Variants in PLD5 observed in about 807,000 individuals in gnomAD.
The protein encoded by PLD5 is phospholipase D family member 5.
Under a neutral mutation model 61.1 loss-of-function variants are expected in PLD5, and 36 were observed. The observed-to-expected ratio is 0.59, with a 90% CI of 0.45 to 0.78. PLD5 has a LOEUF of 0.78. Ranked by LOEUF, PLD5 falls within the 30% of genes least tolerant of loss-of-function variation. The pLI is 0.00. For synonymous variants in PLD5, 243 were observed against 242.8 expected, an observed-to-expected ratio of 1.00 and a Z score of -0.01; for missense variants, 515 against 644.4, an observed-to-expected ratio of 0.80 and a Z score of 2.17.
intron 1 of PLD5, among the ~76,000 whole-genome samples, chr1:242,483,440 C>A (rs1047964305): frequency 2.0e-5 from 3 of 152,066 alleles, no homozygotes; most frequent in Admixed American, 6.5e-5. Context: ...TTTAAATCAG[C>A]AAAGATCAAA....
At chr1:242,285,020 C>T (rs2937881) in intron 3 of PLD5, among the ~76,000 whole-genome samples, 3 of 152,202 alleles carry the variant, frequency 2.0e-5, no homozygotes, top group African/African-American at 7.2e-5. Flanking sequence ...GTCTCTTCGG[C>T]AGGAGCAGTA....
At chr1:242,261,597 T>C (rs1300296556) in intron 4 of PLD5, among the ~76,000 whole-genome samples, 2 of 152,168 alleles carry the variant, frequency 1.3e-5, no homozygotes, top group Non-Finnish European at 2.9e-5. Context: ...ATGAAATACA[T>C]ATATCCAACA....
At chr1:242,213,734 C>T (rs71648695) in intron 5 of PLD5, among the ~76,000 whole-genome samples, 47,689 of 149,806 alleles carry the variant, frequency 0.32, 7,697 homozygotes, top group South Asian at 0.43. Context: ...GAACAAGCCA[C>T]CTCTCAGAGG....
At chr1:242,436,692 T>C (rs1211402742) in intron 1 of PLD5, among the ~76,000 whole-genome samples, 1 of 152,184 alleles carries the variant, frequency 6.6e-6, no homozygotes, top group South Asian at 2.1e-4. Context: ...GGGTTAAGGA[T>C]TTGGATACAA....
intron 1 of PLD5, among the ~76,000 whole-genome samples, chr1:242,406,858 G>A (rs1444322567): frequency 2.0e-5 from 3 of 152,210 alleles, no homozygotes; most frequent in African/African-American, 4.8e-5. Flanking sequence ...TTAGCCATTA[G>A]TAGACTATAA....
chr1:242,393,561 T>C lies in PLD5; in HGVS notation c.190-45319A>G, dbSNP rs1301892696. On this transcript the variant is annotated intron_variant, in intron 1 of 9. Transcript: ENST00000536534. ...GTATATATATGTGTATATATATGAG[T>C]ATATATGTGTATATATATGAGTATA... 5.2e-5 allele frequency among the ~76,000 whole-genome samples: 5 copies of C among 95,582 alleles called. 2 individuals are homozygous for C. In the East Asian group the frequency reaches 8.2e-4, roughly 16 times the overall value. 62.7% of individuals were successfully genotyped at this position (95,582 alleles called of 152,430 possible).
In PLD5 at chr1:242,096,201, G is replaced by A. The variant is rs922796728; in HGVS notation, c.1354+4467C>T. On this transcript the variant is annotated intron_variant, in intron 9 of 9. Transcript: ENST00000536534. Reference sequence around the variant, plus strand: ...TCTCAATCTCTTGACTTCGTGATCCGCCTGCCTTGGCCTCCCAAAGTGCTG... The same window carrying A: ...TCTCAATCTCTTGACTTCGTGATCCACCTGCCTTGGCCTCCCAAAGTGCTG... Among the ~76,000 whole-genome samples the A allele has an allele frequency of 3.9e-5, 6 of 151,952 alleles. No homozygotes were observed. In the South Asian group the frequency reaches 6.2e-4, roughly 16 times the overall value.
At chr1:242,406,859 T>C (rs1335200635) in intron 1 of PLD5, among the ~76,000 whole-genome samples, 1 of 152,240 alleles carries the variant, frequency 6.6e-6, no homozygotes, top group Non-Finnish European at 1.5e-5. Flanking sequence ...TAGCCATTAG[T>C]AGACTATAAG....
Position 242,098,542 on chromosome 1 carries a change from GCC to G in PLD5, c.1354+2124_1354+2125del, listed in dbSNP as rs1660435600. ...GCTTGGAGTAGTTTGATCGTCTGAAGCCTTCTTCTCTCAACTCGTCAAAGTCA... is the reference window on the plus strand; with the variant it reads ...GCTTGGAGTAGTTTGATCGTCTGAAGTTCTTCTCTCAACTCGTCAAAGTCA... On this transcript the variant is annotated intron_variant, in intron 9 of 9. Coordinates refer to ENST00000536534, the MANE Select transcript of PLD5 (RefSeq NM_001372062.1). Among the ~76,000 whole-genome samples, 3 of 152,264 alleles carry G rather than the reference GCC, an allele frequency of 2.0e-5. No homozygotes were observed. In the East Asian group the frequency reaches 5.8e-4, roughly 29 times the overall value.
At chr1:242,093,334 C>T (rs557650368) in intron 9 of PLD5, among the ~76,000 whole-genome samples, 7 of 152,264 alleles carry the variant, frequency 4.6e-5, no homozygotes, top group African/African-American at 7.2e-5. Context: ...CTATTCATTC[C>T]GTAAGCAAAA....
At chr1:242,136,205 A>C (rs1663713924) in intron 5 of PLD5, among the ~76,000 whole-genome samples, 1 of 152,164 alleles carries the variant, frequency 6.6e-6, no homozygotes, top group Non-Finnish European at 1.5e-5. Context: ...TGAGTAACTA[A>C]CTGATAGTTT....
At chr1:242,452,849 C>G (rs1666829971) in intron 1 of PLD5, among the ~76,000 whole-genome samples, 1 of 151,986 alleles carries the variant, frequency 6.6e-6, no homozygotes, top group African/African-American at 2.4e-5. Context: ...AAAGCCAGTC[C>G]TTTCCTCTGC....
chr1:242,470,524 C>A (rs1381937684), intron 1 of PLD5, among the ~76,000 whole-genome samples: 2 of 152,064 alleles, frequency 1.3e-5, no homozygotes, highest in Non-Finnish European at 2.9e-5. Flanking sequence ...GAACAAGAAT[C>A]ATAAAACCAA....
rs150501863 is a variant in PLD5, at chr1:242,334,350, A to G, written c.326+13756T>C. On this transcript the variant is annotated intron_variant, in intron 2 of 9. Coordinates refer to ENST00000536534, the MANE Select transcript of PLD5 (RefSeq NM_001372062.1). ...CATCACATCCCAGCAGGTTCAGGAAATAAAGGTGGGTATGCATCAACAACT... is the reference window on the plus strand; with the variant it reads ...CATCACATCCCAGCAGGTTCAGGAAGTAAAGGTGGGTATGCATCAACAACT... Among the ~76,000 whole-genome samples the G allele has an allele frequency of 3.3e-3, 497 of 152,332 alleles. 3 individuals carry two copies. Among genetic ancestry groups the G allele is most frequent in the African/African-American group, 0.011 (453 of 41,572 alleles).
chr1:242,464,170 C>T (rs1318844086), intron 1 of PLD5, among the ~76,000 whole-genome samples: 2 of 152,212 alleles, frequency 1.3e-5, no homozygotes, highest in Admixed American at 6.5e-5. Flanking sequence ...TTTCTGTCCA[C>T]TTCACATGTC....
chr1:242,264,157 C>A (rs1463146516), intron 4 of PLD5, among the ~76,000 whole-genome samples: 3 of 151,670 alleles, frequency 2.0e-5, no homozygotes, highest in African/African-American at 2.4e-5. Context: ...ATAGTGAGAA[C>A]CCAATTTTAC....
chr1:242,138,519 T>G (rs1226951196), intron 5 of PLD5, among the ~76,000 whole-genome samples: 1 of 152,072 alleles, frequency 6.6e-6, no homozygotes, highest in Non-Finnish European at 1.5e-5. Context: ...TACAAAATAG[T>G]TTTTCAGGTA....
intron 1 of PLD5, among the ~76,000 whole-genome samples, chr1:242,438,264 A>AT (rs1237412199): frequency 0.049 from 6,786 of 138,744 alleles, 154 homozygotes; most frequent in Middle Eastern, 0.087. Context: ...AGAAAAAAAA[A>AT]TTTTTTTTTT....
Position 242,520,491 on chromosome 1 carries a change from G to T in PLD5, c.189+3597C>A, listed in dbSNP as rs189816696. Among the ~76,000 whole-genome samples the T allele has an allele frequency of 1.1e-3, 167 of 152,256 alleles. 1 individual carries two copies. Among genetic ancestry groups the T allele is most frequent in the African/African-American group, 3.9e-3 (162 of 41,542 alleles). ...TTTGCCCACAGAATTAATAAGAAAT[G>T]ATATCGAAGTCTGAACCCAGATCCC... On this transcript the variant is annotated intron_variant, in intron 1 of 9. Transcript: ENST00000536534.
Sources: gnomAD v4.1 joint callset for allele counts (sites outside exome capture counted in the v4.1 genomes callset) on GRCh38, gnomAD v4.1.1 for gene constraint, MANE v1.5 for transcripts, NCBI Gene and HGNC (gene_info 2026-07-23, HGNC 2026-07-21) for gene names.